Variants in TNRC18 observed in about 807,000 individuals in gnomAD.
TNRC18 encodes the protein trinucleotide repeat-containing gene 18 protein.
TNRC18 carries 69 observed loss-of-function variants against 226.7 expected under a neutral mutation model. The ratio of observed to expected loss-of-function variants is 0.30; its 90% CI spans 0.25 to 0.37. The LOEUF is 0.37. Among genes scored for constraint, TNRC18 ranks in the 10% least tolerant of loss-of-function variants. The pLI is 1.00. For synonymous variants in TNRC18, 2,449 were observed against 1,927.6 expected, an observed-to-expected ratio of 1.27 and a Z score of -7.09; for missense variants, 4,754 against 4,256.6, an observed-to-expected ratio of 1.12 and a Z score of -3.25.
At chr7:5,376,398 G>T (rs1794682481) in intron 8 of TNRC18, among the ~76,000 whole-genome samples, 174 bp from the exon 9 acceptor site, 1 of 152,196 alleles carries the variant, frequency 6.6e-6, no homozygotes, top group South Asian at 2.1e-4. Flanking sequence ...TCCTCCATGG[G>T]CCACGTGTGC....
In TNRC18 at chr7:5,320,400, A is replaced by C. The variant is rs1788224102; in HGVS notation, c.6663T>G (p.Thr2221=). 1.3e-6 allele frequency: 2 copies of C among 1,562,436 alleles called. No homozygotes were observed. The highest frequency in any genetic ancestry group is 1.7e-6 in the Non-Finnish European group (2 of 1,153,198). ...TCCTGGTCCCTTGTGGCAAGAAGCG[A>C]GTGGAGGCTGGCCTCACATCGATGA... The part of the protein sequence containing the change: ...EAIIDVRPAS[T]RFLPQGTRIA... Residue 2221 remains threonine, a synonymous_variant, in exon 24 of 30, where the codon ACT becomes ACG. Coordinates refer to ENST00000430969, the MANE Select transcript of TNRC18 (RefSeq NM_001080495.3).
intron 5 of TNRC18, 77 bp downstream of exon 5, chr7:5,387,595 G>A (rs1385392755): frequency 3.2e-6 from 5 of 1,554,788 alleles, no homozygotes; most frequent in Non-Finnish European, 4.3e-6. Flanking sequence ...AAAGGGAAAG[G>A]GCCCACACTG....
At chr7:5,314,179 C>G (rs1252259604) in intron 26 of TNRC18, among the ~76,000 whole-genome samples, 2 of 151,892 alleles carry the variant, frequency 1.3e-5, no homozygotes, top group Admixed American at 6.6e-5. Flanking sequence ...GCTCCGTTGC[C>G]CAGGCTGGTC....
rs977549645 is a variant in TNRC18, at chr7:5,324,409, C to T, written c.6301-54G>A. ...CTTAGGACCTGAACAGGGGTCCTGC[C>T]GGGTTGGGGACCCTCTCTGGAAACC... On this transcript the variant is annotated intron_variant, in intron 20 of 29. Coordinates refer to ENST00000430969, the MANE Select transcript of TNRC18 (RefSeq NM_001080495.3). The surrounding 1 kb of genome is among the most constrained non-coding windows in gnomAD (Gnocchi z 4.8). 20 of 1,594,334 alleles carry T rather than the reference C, an allele frequency of 1.3e-5. No homozygotes were observed. Among genetic ancestry groups the T allele is most frequent in the East Asian group, 2.2e-5 (1 of 44,618 alleles).
At chr7:5,384,355 C>T (rs1392876973) in intron 5 of TNRC18, among the ~76,000 whole-genome samples, 2 of 152,154 alleles carry the variant, frequency 1.3e-5, no homozygotes, top group Non-Finnish European at 2.9e-5. Context: ...CCTACGTTGG[C>T]CTTCCGAAGT....
At chr7:5,392,184 G>A in intron 3 of TNRC18, among the ~76,000 whole-genome samples, 1 of 152,126 alleles carries the variant, frequency 6.6e-6, no homozygotes. Context: ...AGCACTCCCA[G>A]CCGGAGCAGT....
chr7:5,375,637 A>T (rs539655884), intron 9 of TNRC18, among the ~76,000 whole-genome samples: 8 of 152,126 alleles, frequency 5.3e-5, no homozygotes, highest in Admixed American at 5.2e-4. Context: ...GCAGCTGGCC[A>T]GGCCTCCTTG....
intron 19 of TNRC18, among the ~76,000 whole-genome samples, chr7:5,325,817 G>A (rs1788864761): frequency 7.4e-6 from 1 of 135,606 alleles, no homozygotes. Flanking sequence ...ACTAAATGCA[G>A]CCTCGACCTC....
chr7:5,349,660 T>C (rs1791576906), intron 17 of TNRC18, among the ~76,000 whole-genome samples: 1 of 152,164 alleles, frequency 6.6e-6, no homozygotes, highest in Non-Finnish European at 1.5e-5. Flanking sequence ...TCTGCCCTAC[T>C]CCCAGCCTTC....
intron 2 of TNRC18, among the ~76,000 whole-genome samples, chr7:5,411,672 T>C (rs1781853783): frequency 6.6e-6 from 1 of 151,990 alleles, no homozygotes; most frequent in Non-Finnish European, 1.5e-5. Flanking sequence ...GGATGTGCTC[T>C]ACAGAAAGAA....
At chr7:5,372,829 C>T (rs896794451) in intron 10 of TNRC18, among the ~76,000 whole-genome samples, 2 of 152,102 alleles carry the variant, frequency 1.3e-5, no homozygotes, top group Non-Finnish European at 2.9e-5. Flanking sequence ...TCAAGACCAG[C>T]CTTGGCAACA....
chr7:5,316,365 C>T (rs1358608594), intron 24 of TNRC18, among the ~76,000 whole-genome samples: 1 of 149,774 alleles, frequency 6.7e-6, no homozygotes, highest in African/African-American at 2.5e-5. Context: ...CCGCAACCTC[C>T]GCCTCCCGGG....
At chr7:5,315,172 C>T (rs1787725474) in intron 25 of TNRC18, 24 bp from the exon 26 acceptor site, 1 of 1,603,774 alleles carries the variant, frequency 6.2e-7, no homozygotes, top group Non-Finnish European at 8.5e-7. Context: ...GACAGAGTGG[C>T]TCATCAGGCC....
At chr7:5,319,508 C>T (rs980225858) in intron 24 of TNRC18, among the ~76,000 whole-genome samples, 4 of 152,052 alleles carry the variant, frequency 2.6e-5, no homozygotes, top group African/African-American at 7.2e-5. Flanking sequence ...ATCCAGCCTC[C>T]ATTCTTTTTT....
At position 5,394,608 on chromosome 7, in the gene TNRC18, G is replaced by A. The variant is rs955325793; in HGVS notation, c.188-13C>T. 1.6e-5 allele frequency: 24 copies of A among 1,538,680 alleles called. No individual in the cohort carries two copies. The highest frequency in any genetic ancestry group is 7.2e-5 in the South Asian group (6 of 82,892). On this transcript the variant is annotated splice_polypyrimidine_tract_variant and intron_variant, in intron 2 of 29. Coordinates refer to ENST00000430969, the MANE Select transcript of TNRC18 (RefSeq NM_001080495.3). The surrounding 1 kb of genome is among the most constrained non-coding windows in gnomAD (Gnocchi z 4.5). ...AAGAAGGCCTCGCCTGCAGAGAGAA[G>A]TTGGGAGGACCGTCAGGCAGACAAC...
chr7:5,333,165 C>T, intron 18 of TNRC18, 116 bp from the exon 19 acceptor site: 2 of 1,201,822 alleles, frequency 1.7e-6, no homozygotes, highest in Non-Finnish European at 2.4e-6. Context: ...GGCAGCGCTT[C>T]TGCCCGTTTC....
At chr7:5,331,554 A>T (rs1789522989) in intron 19 of TNRC18, among the ~76,000 whole-genome samples, 1 of 152,180 alleles carries the variant, frequency 6.6e-6, no homozygotes, top group African/African-American at 2.4e-5. Flanking sequence ...GTCTTGCAGC[A>T]ACGGAAACCA....
In TNRC18 at chr7:5,393,099, C is replaced by A. The variant is rs186984599; in HGVS notation, c.343+1341G>T. Among the ~76,000 whole-genome samples, 1,110 of 152,340 alleles carry A rather than the reference C, an allele frequency of 7.3e-3. 6 individuals carry two copies. Among genetic ancestry groups the A allele is most frequent in the Middle Eastern group, 0.017 (5 of 294 alleles). On this transcript the variant is annotated intron_variant, in intron 3 of 29. Transcript: ENST00000430969. ...AGTGTGCACTGGGCTGTGGTAAGCA[C>A]CCTGTGTGTTTGTGGTCATCACTAG...
rs1794679904 is a variant in TNRC18, at chr7:5,376,371, C to T, written c.2609-147G>A. 1.2e-5 allele frequency: 9 copies of T among 749,758 alleles called. No homozygotes were observed. In the South Asian group the frequency reaches 1.8e-4, roughly 15 times the overall value. The allele number at this position is 749,758 out of a possible 1,614,324, so 46.4% of individuals were successfully genotyped here. On this transcript the variant is annotated intron_variant, in intron 8 of 29. Transcript: ENST00000430969. ...CGGGCCCCCGGCTGCTCCCCAGGGG[C>T]CAGGAAGTTTGTCCTGTCCTCCATG...
Sources: allele counts gnomAD v4.1 joint callset (sites outside exome capture counted in the v4.1 genomes callset), GRCh38; gene constraint gnomAD v4.1.1; non-coding constraint Gnocchi (gnomAD v3.1); transcripts MANE v1.5; gene names NCBI Gene and HGNC (gene_info 2026-07-23, HGNC 2026-07-21).